Variants in SAMSN1 observed in about 807,000 individuals in gnomAD.
SAMSN1 encodes the protein SAM domain, SH3 domain and nuclear localization signals 1.
In SAMSN1, 31 loss-of-function variants were observed where a neutral mutation model predicts 42.0. The observed-to-expected ratio is 0.74, with a 90% CI of 0.55 to 1.00. The LOEUF (loss-of-function observed/expected upper bound fraction) is 1.00. Among genes scored for constraint, SAMSN1 ranks in the 50% least tolerant of loss-of-function variants. The probability of loss-of-function intolerance (pLI) is 0.00; values close to 1 mark genes in which losing one functional copy is unlikely to be tolerated. For synonymous variants in SAMSN1, 178 were observed against 151.9 expected, an observed-to-expected ratio of 1.17 and a Z score of -1.26; for missense variants, 464 against 439.4, an observed-to-expected ratio of 1.06 and a Z score of -0.50.
chr21:14,547,501 A>G (rs1293841764), upstream of SAMSN1, among the ~76,000 whole-genome samples: 1 of 152,234 alleles, frequency 6.6e-6, no homozygotes, highest in African/African-American at 2.4e-5. Context: ...CCAAAGGGAG[A>G]TTTGCAAAAT....
chr21:14,640,009 C>G (rs946551264), intron 2 of SAMSN1, among the ~76,000 whole-genome samples: 1 of 152,076 alleles, frequency 6.6e-6, no homozygotes, highest in Non-Finnish European at 1.5e-5. Context: ...TCATTTAAAA[C>G]CCCCAAATAA....
At chr21:14,618,168 T>C (rs929697906) in intron 2 of SAMSN1, among the ~76,000 whole-genome samples, 1 of 152,240 alleles carries the variant, frequency 6.6e-6, no homozygotes, top group African/African-American at 2.4e-5. Flanking sequence ...TTCCTCATGA[T>C]GAATCAGTTT....
At chr21:14,600,309 T>G (rs1029388384) in intron 6 of SAMSN1, among the ~76,000 whole-genome samples, 3 of 152,210 alleles carry the variant, frequency 2.0e-5, no homozygotes, top group Non-Finnish European at 4.4e-5. Flanking sequence ...ATTAATATTT[T>G]GCATAACACT....
intron 2 of SAMSN1, among the ~76,000 whole-genome samples, chr21:14,619,228 A>G (rs1373509959): frequency 2.6e-5 from 4 of 152,208 alleles, no homozygotes; most frequent in Non-Finnish European, 5.9e-5. Flanking sequence ...TTCTTGCTTT[A>G]TTGCTTTGTA....
intron 5 of SAMSN1, among the ~76,000 whole-genome samples, chr21:14,507,527 G>A (rs1987469755): frequency 6.6e-6 from 1 of 152,120 alleles, no homozygotes; most frequent in African/African-American, 2.4e-5. Context: ...AAAGTACAAA[G>A]CACTGCTGAA....
intron 2 of SAMSN1, among the ~76,000 whole-genome samples, chr21:14,562,585 T>A (rs1055298777): frequency 6.6e-6 from 1 of 150,872 alleles, no homozygotes; most frequent in African/African-American, 2.4e-5. Context: ...ACTCTTAAAA[T>A]GATTTTGATA....
chr21:14,612,936 T>G, intron 3 of SAMSN1: 1 of 687,902 alleles, frequency 1.5e-6, no homozygotes, highest in East Asian at 2.7e-5. Context: ...AAGAAAAAGA[T>G]ATTTAAGTCT....
upstream of SAMSN1, chr21:14,583,843 T>G: frequency 1.5e-6 from 1 of 679,060 alleles, no homozygotes. Context: ...TAAAATATGT[T>G]GAGATCATAA....
chr21:14,508,746 T>C (rs1987540700), intron 5 of SAMSN1, among the ~76,000 whole-genome samples: 3 of 152,200 alleles, frequency 2.0e-5, no homozygotes, highest in Admixed American at 6.5e-5. Flanking sequence ...ACAAAAAAGA[T>C]ACTTGCACAC....
intron 1 of SAMSN1, among the ~76,000 whole-genome samples, chr21:14,649,652 C>A (rs1167617293): frequency 6.6e-6 from 1 of 151,874 alleles, no homozygotes; most frequent in African/African-American, 2.4e-5. Flanking sequence ...CACCTGTAAT[C>A]CCAGCTACTC....
exon 2 of SAMSN1, chr21:14,582,441 G>A (rs751078926): frequency 1.2e-5 from 18 of 1,523,924 alleles, no homozygotes; most frequent in Non-Finnish European, 1.5e-5. Context: ...TTCTTTTCTC[G>A]GGACTTGGTT....
At chr21:14,592,747 A>C (rs1299820281) in intron 7 of SAMSN1, 1 of 217,028 alleles carries the variant, frequency 4.6e-6, no homozygotes, top group Non-Finnish European at 1.1e-5. Flanking sequence ...AAAATGTGGA[A>C]ACGGAAATGC....
chr21:14,498,993 T>C (rs1987023784), intron 6 of SAMSN1, among the ~76,000 whole-genome samples: 1 of 152,226 alleles, frequency 6.6e-6, no homozygotes, highest in African/African-American at 2.4e-5. Flanking sequence ...TTTCAGAATC[T>C]ACATCTCTTC....
chr21:14,540,813 G>A (rs1420618448), intron 1 of SAMSN1, among the ~76,000 whole-genome samples: 4 of 152,150 alleles, frequency 2.6e-5, no homozygotes, highest in African/African-American at 9.7e-5. Context: ...AAATCATGCT[G>A]CTATAAAGAC....
At chr21:14,525,675 T>C (rs554283802) in intron 1 of SAMSN1, among the ~76,000 whole-genome samples, 1 of 152,276 alleles carries the variant, frequency 6.6e-6, no homozygotes, top group South Asian at 2.1e-4. Context: ...TGTGCGGCTA[T>C]GAGGAAGAAA....
At chr21:14,488,532 T>C (rs1290475316) in intron 7 of SAMSN1, among the ~76,000 whole-genome samples, 1 of 152,074 alleles carries the variant, frequency 6.6e-6, no homozygotes, top group Non-Finnish European at 1.5e-5. Context: ...TTCACCTCAA[T>C]GGGGAATAAA....
At chr21:14,492,034 G>A (rs1986709820) in intron 7 of SAMSN1, among the ~76,000 whole-genome samples, 2 of 151,850 alleles carry the variant, frequency 1.3e-5, no homozygotes, top group Admixed American at 6.6e-5. Context: ...CATTGTTTGG[G>A]TATATCTTAA....
upstream of SAMSN1, among the ~76,000 whole-genome samples, chr21:14,546,673 A>G (rs1980410214): frequency 2.0e-5 from 3 of 151,810 alleles, no homozygotes; most frequent in Non-Finnish European, 4.4e-5. Flanking sequence ...ATTATTTAAA[A>G]AAAAAAAAAA....
intron 7 of SAMSN1, among the ~76,000 whole-genome samples, chr21:14,590,947 C>A (rs1285630350): frequency 6.6e-6 from 1 of 152,094 alleles, no homozygotes; most frequent in Non-Finnish European, 1.5e-5. Context: ...GGATTATGAA[C>A]TAGAATTGAT....
Sources: allele counts gnomAD v4.1 joint callset (sites outside exome capture counted in the v4.1 genomes callset), GRCh38; gene constraint gnomAD v4.1.1; transcripts MANE v1.5; gene names NCBI Gene and HGNC (gene_info 2026-07-23, HGNC 2026-07-21).